CHD7: variants seen among roughly 807,000 people sequenced by gnomAD.
CHD7 encodes ATP-dependent chromatin remodeler CHD7.
Under a neutral mutation model 307.3 loss-of-function variants are expected in CHD7, and 24 were observed. That is an observed-to-expected ratio of 0.08 (90% CI 0.06 to 0.11). The LOEUF (loss-of-function observed/expected upper bound fraction) is 0.11. Ranked by LOEUF, CHD7 falls within the 10% of genes least tolerant of loss-of-function variation. The probability of loss-of-function intolerance (pLI) is 1.00; values close to 1 mark genes in which losing one functional copy is unlikely to be tolerated. For missense variants in CHD7, 3,106 were observed against 3,727.1 expected (o/e 0.83, Z 4.34); for synonymous variants, 1,363 against 1,349.9 (o/e 1.01, Z -0.21).
intron 1 of CHD7, among the ~76,000 whole-genome samples, chr8:60,728,767 A>G (rs1285989625): frequency 1.3e-5 from 2 of 152,204 alleles, no homozygotes; most frequent in Non-Finnish European, 1.5e-5. Flanking sequence ...TTTCAAAGAA[A>G]AATATGAAGA....
At chr8:60,805,088 T>C (rs1282547950) in intron 6 of CHD7, among the ~76,000 whole-genome samples, 2 of 152,222 alleles carry the variant, frequency 1.3e-5, no homozygotes, top group Non-Finnish European at 2.9e-5. Context: ...ATGCCTGTTG[T>C]AGAATGGCTT....
chr8:60,743,179 C>G (rs573881625), intron 2 of CHD7, 82 bp downstream of exon 2: 12 of 1,239,318 alleles, frequency 9.7e-6, no homozygotes, highest in Non-Finnish European at 1.0e-5. Flanking sequence ...TTTCTTTAAA[C>G]TCTATGAAAA....
At chr8:60,864,916 A>G (rs2129755092) in intron 37 of CHD7, 100 bp from the exon 38 acceptor site, 2 of 1,146,840 alleles carry the variant, frequency 1.7e-6, no homozygotes, top group East Asian at 2.6e-5. Context: ...CTACTTAGGT[A>G]TTTCCATTTG....
intron 9 of CHD7, among the ~76,000 whole-genome samples, chr8:60,821,258 T>A (rs1037425362): frequency 2.0e-4 from 30 of 152,150 alleles, no homozygotes; most frequent in African/African-American, 7.0e-4. Context: ...ATAAAAAAAA[T>A]CTCAAATTCA....
chr8:60,822,349 A>G (rs540997537), intron 11 of CHD7, among the ~76,000 whole-genome samples, 154 bp from the exon 12 acceptor site: 7 of 152,164 alleles, frequency 4.6e-5, no homozygotes, highest in Non-Finnish European at 8.8e-5. Flanking sequence ...ATTCTTTGAG[A>G]ATTTTGTTTG....
chr8:60,841,743 T>G lies in CHD7; in HGVS notation c.4633T>G (p.Leu1545Val), dbSNP rs2150786235. The part of the protein sequence containing the change: ...AKKAELDIDA[L>V]NGRNNLVIDT... ...GAAGGCTGAATTGGATATTGATGCC[T>G]TAAATGGGAGGGTGAGTAAGAAGTC... Residue 1545 changes from leucine (L) to valine (V), a missense_variant, in exon 20 of 38, where the codon TTA becomes GTA. Coordinates refer to ENST00000423902, the MANE Select transcript of CHD7 (RefSeq NM_017780.4). The G allele has an allele frequency of 6.2e-7, 1 of 1,606,364 alleles. No homozygotes were observed. The highest frequency in any genetic ancestry group is 1.3e-5 in the African/African-American group (1 of 74,924).
At chr8:60,732,495 G>C (rs963501522) in intron 1 of CHD7, among the ~76,000 whole-genome samples, 1 of 152,206 alleles carries the variant, frequency 6.6e-6, no homozygotes, top group Admixed American at 6.5e-5. Flanking sequence ...CCACAGGGCA[G>C]CTCCTTCCTT....
chr8:60,768,167 G>A (rs1014298745), intron 2 of CHD7, among the ~76,000 whole-genome samples: 25 of 151,760 alleles, frequency 1.6e-4, no homozygotes, highest in Non-Finnish European at 2.2e-4. Context: ...CCCCCACCCC[G>A]TCTTACAAAT....
chr8:60,852,250 G>A lies in CHD7; in HGVS notation c.5894+3G>A. The stretch of plus-strand genomic sequence containing the variant: ...ATTATATCTGAGAAGCGGCAAAAGT[G>A]AGTTTCTTCAAGGTTTCCACTCAGC... On this transcript the variant is annotated splice_donor_region_variant and intron_variant, in intron 29 of 37. Transcript: ENST00000423902. 2 of 1,611,032 alleles carry A rather than the reference G, an allele frequency of 1.2e-6. No homozygotes were observed. The highest frequency in any genetic ancestry group is 1.7e-6 in the Non-Finnish European group (2 of 1,178,488).
chr8:60,781,307 A>G lies in CHD7; in HGVS notation c.1973A>G (p.Glu658Gly). The change falls in exon 3 of 38, where the codon GAA (glutamate) becomes GGA (glycine). Residue 658 changes from glutamate (E) to glycine (G), a missense_variant. Around this residue, in one of 10 missense-constraint regions of CHD7, gnomAD observed 998 missense variants for 1,004.5 expected, o/e 0.99. Transcript: ENST00000423902. ...KAKKDPKEPKEPKEKKEPKEP... is the reference protein window; with the variant it reads ...KAKKDPKEPKGPKEKKEPKEP... ...AAAAAAGACCCGAAGGAACCGAAAG[A>G]ACCCAAGGAGAAAAAAGAGCCCAAG... The G allele has an allele frequency of 6.4e-7, 1 of 1,568,242 alleles. No individual in the cohort carries two copies. The highest frequency in any genetic ancestry group is 2.4e-5 in the East Asian group (1 of 42,046).
At chr8:60,714,738 C>G (rs762763055) in intron 1 of CHD7, among the ~76,000 whole-genome samples, 6 of 152,216 alleles carry the variant, frequency 3.9e-5, no homozygotes, top group Non-Finnish European at 8.8e-5. Context: ...GGGAGGCCTT[C>G]TCTGGATGGA....
chr8:60,716,029 C>T (rs1388892374), intron 1 of CHD7, among the ~76,000 whole-genome samples: 1 of 152,190 alleles, frequency 6.6e-6, no homozygotes, highest in African/African-American at 2.4e-5. Context: ...ACCTTCATCA[C>T]ATTGTGGTAT....
intron 2 of CHD7, among the ~76,000 whole-genome samples, chr8:60,745,150 T>C (rs1276714795): frequency 6.6e-6 from 1 of 152,052 alleles, no homozygotes; most frequent in African/African-American, 2.4e-5. Flanking sequence ...CAGACCTGGG[T>C]GGCTTTTAGG....
chr8:60,825,059 A>G (rs1235603920), intron 13 of CHD7: 2 of 152,218 alleles, frequency 1.3e-5, no homozygotes, highest in Non-Finnish European at 2.9e-5. Flanking sequence ...CGGAAGTACA[A>G]AAAGGGTTTC....
chr8:60,807,928 A>C (rs573206294), intron 6 of CHD7, among the ~76,000 whole-genome samples: 20 of 152,212 alleles, frequency 1.3e-4, no homozygotes, highest in African/African-American at 4.8e-4. Flanking sequence ...CAGAAGGCCA[A>C]ATTTGGGGTC....
At position 60,841,853 on chromosome 8, in the gene CHD7, C is replaced by T. The variant is rs751972921; in HGVS notation, c.4651C>T (p.Leu1551=). ...TCTCCTCTTTTATTATTAGAACAAC[C>T]TGGTTATTGATACTCCAAGAGTGAG... ...DIDALNGRNN[L]VIDTPRVRKQ... The change falls in exon 21 of 38, where the codon CTG becomes TTG. Residue 1551 remains leucine, a synonymous_variant. Transcript: ENST00000423902. 6.2e-7 allele frequency: 1 copy of T among 1,607,378 alleles called. No homozygotes were observed. Among genetic ancestry groups the T allele is most frequent in the South Asian group, 1.1e-5 (1 of 90,200 alleles).
At chr8:60,695,653 A>T (rs1806430132) in intron 1 of CHD7, among the ~76,000 whole-genome samples, 1 of 152,244 alleles carries the variant, frequency 6.6e-6, no homozygotes, top group African/African-American at 2.4e-5. Flanking sequence ...ACAACAGAGA[A>T]GCAATTGCAG....
In CHD7 at chr8:60,822,533, T is replaced by C; in HGVS notation, c.2988T>C (p.Gly996=). ...ACTGCATTTTAGCAGATGAAATGGG[T>C]TTGGGAAAAACTATCCAGTCCATTA... ...MRNCILADEM[G]LGKTIQSITF... is the part of the protein sequence containing the mutation. Residue 996 remains glycine (G), a synonymous_variant, in exon 12 of 38, where the codon GGT becomes GGC. Transcript: ENST00000423902. The C allele has an allele frequency of 1.2e-6, 2 of 1,613,566 alleles. No individual in the cohort carries two copies. The highest frequency in any genetic ancestry group is 1.7e-6 in the Non-Finnish European group (2 of 1,179,568).
chr8:60,849,618 G>T (rs1246476898), intron 25 of CHD7, among the ~76,000 whole-genome samples: 1 of 152,138 alleles, frequency 6.6e-6, no homozygotes, highest in African/African-American at 2.4e-5. Context: ...ATGCAGCCTT[G>T]TTAACTTTGA....
Sources: allele counts gnomAD v4.1 joint callset (sites outside exome capture counted in the v4.1 genomes callset), GRCh38; gene constraint gnomAD v4.1.1; regional missense constraint gnomAD v4.1.1; transcripts MANE v1.5; gene names NCBI Gene and HGNC (gene_info 2026-07-23, HGNC 2026-07-21).